The following ZNF777 variants were observed in gnomAD, a reference collection of about 807,000 sequenced individuals.
ZNF777 encodes the protein zinc finger protein 777.
Under a neutral mutation model 72.1 loss-of-function variants are expected in ZNF777, and 7 were observed. The observed-to-expected ratio is 0.10, with a 90% CI of 0.06 to 0.18. The LOEUF (loss-of-function observed/expected upper bound fraction) is 0.18. Among genes scored for constraint, ZNF777 ranks in the 10% least tolerant of loss-of-function variants. The probability of loss-of-function intolerance (pLI) is 1.00; values close to 1 mark genes in which losing one functional copy is unlikely to be tolerated. For missense variants in ZNF777, 828 were observed against 1,128.6 expected (o/e 0.73, Z 3.82); for synonymous variants, 545 against 483.5 (o/e 1.13, Z -1.67).
At chr7:149,453,277 A>C (rs1330422831) in intron 3 of ZNF777, among the ~76,000 whole-genome samples, 1 of 152,196 alleles carries the variant, frequency 6.6e-6, no homozygotes, top group African/African-American at 2.4e-5. Flanking sequence ...AAAAAACACA[A>C]TTAAAAAAAG....
At chr7:149,443,549 C>CTGTT (rs572817783) in intron 4 of ZNF777, among the ~76,000 whole-genome samples, 421 of 152,228 alleles carry the variant, frequency 2.8e-3, no homozygotes, top group Non-Finnish European at 5.2e-3. Context: ...CATGGCTATA[C>CTGTT]TGTTAGGTTT....
intron 1 of ZNF777, among the ~76,000 whole-genome samples, chr7:149,458,880 C>A (rs755936437): frequency 1.5e-4 from 23 of 152,298 alleles, no homozygotes; most frequent in Middle Eastern, 6.8e-3. Flanking sequence ...AGGGAGAATT[C>A]TTCTGAACCA....
chr7:149,446,907 T>C (rs1799612925), intron 4 of ZNF777, among the ~76,000 whole-genome samples: 1 of 152,306 alleles, frequency 6.6e-6, no homozygotes, highest in South Asian at 2.1e-4. Context: ...GGACCCTTTT[T>C]AGTCTTCCTG....
chr7:149,435,821 A>G (rs1383869970), intron 5 of ZNF777, among the ~76,000 whole-genome samples: 3 of 152,224 alleles, frequency 2.0e-5, no homozygotes, highest in Admixed American at 2.0e-4. Context: ...CCAGTATAAT[A>G]CTGTTTCCAA....
In ZNF777 at chr7:149,431,391, A is replaced by AAAT. The variant is rs1218656206; in HGVS notation, c.*382_*384dup. ...TTTTAAAAATTACTCTATTATTATC[A>AAAT]AATAGAACCACAGTATCCAAAAGGT... On this transcript the variant is annotated 3_prime_UTR_variant, in exon 6 of 6. Coordinates refer to ENST00000247930, the MANE Select transcript of ZNF777 (RefSeq NM_015694.3). 1 of 383,994 alleles carries AAAT rather than the reference A, an allele frequency of 2.6e-6. No homozygotes were observed. The highest frequency in any genetic ancestry group is 5.0e-6 in the Non-Finnish European group (1 of 200,678). 23.8% of individuals were successfully genotyped at this position (383,994 alleles called of 1,614,324 possible).
At chr7:149,449,021 G>C (rs1280529911) in intron 4 of ZNF777, among the ~76,000 whole-genome samples, 2 of 152,140 alleles carry the variant, frequency 1.3e-5, no homozygotes, top group Admixed American at 1.3e-4. Flanking sequence ...CATACTTTTG[G>C]TCTGGCCCAT....
At position 149,434,413 on chromosome 7, in the gene ZNF777, T is replaced by C. The variant is rs139059954; in HGVS notation, c.1340-1481A>G. The stretch of plus-strand genomic sequence containing the variant: ...CAGCAAGAAGCGACCCAGAACATCC[T>C]TGGAGCGTGATGCCTAAAAGATCAA... On this transcript the variant is annotated intron_variant, in intron 5 of 5. Coordinates refer to ENST00000247930, the MANE Select transcript of ZNF777 (RefSeq NM_015694.3). 3.9e-5 allele frequency among the ~76,000 whole-genome samples: 6 copies of C among 152,270 alleles called. No individual in the cohort carries two copies. In the East Asian group the frequency reaches 1.2e-3, roughly 29 times the overall value.
rs1261385385 is a variant in ZNF777 at position 149,431,663 on chromosome 7, C to T, written c.*113G>A. On this transcript the variant is annotated 3_prime_UTR_variant, in exon 6 of 6. Coordinates refer to ENST00000247930, the MANE Select transcript of ZNF777 (RefSeq NM_015694.3). ...GGGACGAGAGGAGAGGGGGAGCTCA[C>T]GGCAAAGGGGCTGGGGGGCGCCCCG... The T allele has an allele frequency of 1.9e-6, 2 of 1,040,500 alleles. No homozygotes were observed. The highest frequency in any genetic ancestry group is 2.5e-6 in the Non-Finnish European group (2 of 815,130). The allele number at this position is 1,040,500 out of a possible 1,614,324, so 64.5% of individuals were successfully genotyped here.
At chr7:149,441,641 G>A (rs1585692699) in intron 4 of ZNF777, among the ~76,000 whole-genome samples, 1 of 151,966 alleles carries the variant, frequency 6.6e-6, no homozygotes, top group African/African-American at 2.4e-5. Context: ...GTAATAATTC[G>A]TGTTCATAAG....
chr7:149,456,153 G>T, intron 1 of ZNF777, 116 bp from the exon 2 acceptor site: 1 of 1,126,432 alleles, frequency 8.9e-7, no homozygotes, highest in Non-Finnish European at 1.2e-6. Context: ...GCAATAATAT[G>T]TGCCCCTCAT....
At chr7:149,453,955 T>C (rs941853995) in intron 3 of ZNF777, among the ~76,000 whole-genome samples, 156 bp downstream of exon 3, 1 of 152,208 alleles carries the variant, frequency 6.6e-6, no homozygotes, top group African/African-American at 2.4e-5. Flanking sequence ...TGTGTGGGTA[T>C]ATGAGGGCGT....
chr7:149,432,556 C>T lies in ZNF777; in HGVS notation c.1716G>A (p.Gly572=), dbSNP rs1799333826. The part of the protein sequence containing the change: ...IIHQRNHIKE[G]PYECAECEIS... The stretch of plus-strand genomic sequence containing the variant: ...TCTCGCATTCGGCGCACTCGTAGGG[C>T]CCCTCCTTGATGTGGTTGCGCTGGT... The change falls in exon 6 of 6, where the codon GGG becomes GGA. Residue 572 remains glycine, a synonymous_variant. Transcript: ENST00000247930. The T allele has an allele frequency of 1.2e-6, 2 of 1,613,782 alleles. No homozygotes were observed. The highest frequency in any genetic ancestry group is 2.7e-5 in the African/African-American group (2 of 75,020).
chr7:149,445,058 A>C (rs1390614225), intron 4 of ZNF777, among the ~76,000 whole-genome samples: 1 of 150,882 alleles, frequency 6.6e-6, no homozygotes, highest in Non-Finnish European at 1.5e-5. Flanking sequence ...TCCATCCTTT[A>C]TTTTTATTTT....
Position 149,460,954 on chromosome 7 carries a change from A to C in ZNF777, c.-155T>G, listed in dbSNP as rs1799938437. The C allele has an allele frequency of 1.3e-5, 2 of 152,238 alleles. No individual in the cohort carries two copies. Among genetic ancestry groups the C allele is most frequent in the Admixed American group, 1.3e-4 (2 of 15,284 alleles). 9.4% of individuals were successfully genotyped at this position (152,238 alleles called of 1,614,324 possible). A position where few individuals can be genotyped will look rare whatever the true frequency, so the allele number is the denominator to read the frequency against. ...GGCTCCGACAGCCTTCCTCCCGCCG[A>C]TCCCCTGCGCCTCTCACACCCAGAA... On this transcript the variant is annotated 5_prime_UTR_variant, in exon 1 of 6. Transcript: ENST00000247930. This position sits in a 1 kb window ranked among gnomAD's most constrained non-coding sequence, Gnocchi z 6.1.
At position 149,436,093 on chromosome 7, in the gene ZNF777, A is replaced by C. The variant is rs1006411228; in HGVS notation, c.1339+482T>G. 2.6e-5 allele frequency among the ~76,000 whole-genome samples: 4 copies of C among 152,218 alleles called. No homozygotes were observed. The highest frequency in any genetic ancestry group is 5.9e-5 in the Non-Finnish European group (4 of 68,044). On this transcript the variant is annotated intron_variant, in intron 5 of 5. Transcript: ENST00000247930. The surrounding 1 kb of genome is among the most constrained non-coding windows in gnomAD (Gnocchi z 5.0). The stretch of plus-strand genomic sequence containing the variant: ...AGGAGCAAGAGTGAGCAGCATGGTG[A>C]TAAAGTTTTATAATTAAACAAAAAT...
At chr7:149,454,511 A>G (rs1799782715) in intron 2 of ZNF777, among the ~76,000 whole-genome samples, 2 of 152,216 alleles carry the variant, frequency 1.3e-5, no homozygotes. Context: ...CCTTAGACCT[A>G]CTAAATAGCT....
chr7:149,439,828 T>C (rs759146957), intron 4 of ZNF777, among the ~76,000 whole-genome samples: 2 of 152,220 alleles, frequency 1.3e-5, no homozygotes, highest in Non-Finnish European at 2.9e-5. Context: ...GAATGATAAA[T>C]AATTATCCAA....
chr7:149,438,067 G>A (rs1244611571), intron 4 of ZNF777, among the ~76,000 whole-genome samples: 1 of 151,844 alleles, frequency 6.6e-6, no homozygotes, highest in Non-Finnish European at 1.5e-5. Context: ...TTTTAGTAGA[G>A]ACGGGGTTTC....
At position 149,436,982 on chromosome 7, in the gene ZNF777, GA is replaced by G. The variant is rs1799423131; in HGVS notation, c.1088-157del. ...ATTGAGTTGGAAATGAGTAGACACA[GA>G]ATTTTCTGGACACCTTGTAGCTTTG... On this transcript the variant is annotated intron_variant, in intron 4 of 5. Coordinates refer to ENST00000247930, the MANE Select transcript of ZNF777 (RefSeq NM_015694.3). This position sits in a 1 kb window ranked among gnomAD's most constrained non-coding sequence, Gnocchi z 5.0. 1.3e-5 allele frequency among the ~76,000 whole-genome samples: 2 copies of G among 152,136 alleles called. No individual in the cohort carries two copies. Among genetic ancestry groups the G allele is most frequent in the Admixed American group, 6.6e-5 (1 of 15,262 alleles).
Sources: gnomAD v4.1 joint callset for allele counts (sites outside exome capture counted in the v4.1 genomes callset) on GRCh38, gnomAD v4.1.1 for gene constraint, Gnocchi (gnomAD v3.1) non-coding constraint, MANE v1.5 for transcripts, NCBI Gene and HGNC (gene_info 2026-07-23, HGNC 2026-07-21) for gene names.